Variants in TANC2 observed in about 807,000 individuals in gnomAD.
TANC2 encodes protein TANC2.
Under a neutral mutation model 210.5 loss-of-function variants are expected in TANC2, and 26 were observed. The ratio of observed to expected loss-of-function variants is 0.12; its 90% CI spans 0.09 to 0.17. The LOEUF (loss-of-function observed/expected upper bound fraction) is 0.17. Among genes scored for constraint, TANC2 ranks in the 10% least tolerant of loss-of-function variants. TANC2 has a pLI of 1.00. For missense variants in TANC2, 2,129 were observed against 2,608.9 expected (o/e 0.82, Z 4.01); for synonymous variants, 931 against 967.1 (o/e 0.96, Z 0.69).
chr17:62,974,938 G>C (rs1189866702), intron 1 of TANC2, among the ~76,000 whole-genome samples: 1 of 152,140 alleles, frequency 6.6e-6, no homozygotes, highest in East Asian at 1.9e-4. Context: ...CTTTGGACCA[G>C]GTAGCCATTC....
chr17:63,244,185 T>C (rs1480148243), intron 8 of TANC2, among the ~76,000 whole-genome samples: 1 of 152,230 alleles, frequency 6.6e-6, no homozygotes, highest in African/African-American at 2.4e-5. Context: ...CGGGTCATTT[T>C]TGGTCCTCCA....
intron 5 of TANC2, among the ~76,000 whole-genome samples, chr17:63,171,683 G>A (rs917654059): frequency 1.3e-5 from 2 of 152,140 alleles, no homozygotes; most frequent in African/African-American, 4.8e-5. Context: ...TCTGATGAAT[G>A]TTATCTGATG....
At chr17:63,269,811 C>G (rs2043642843) in intron 9 of TANC2, among the ~76,000 whole-genome samples, 1 of 152,066 alleles carries the variant, frequency 6.6e-6, no homozygotes, top group Admixed American at 6.6e-5. Flanking sequence ...GATCTTCAGC[C>G]GAAGCATTCA....
At chr17:63,300,185 G>A (rs2044667195) in intron 9 of TANC2, among the ~76,000 whole-genome samples, 2 of 152,178 alleles carry the variant, frequency 1.3e-5, no homozygotes, top group Non-Finnish European at 2.9e-5. Context: ...GGTTACTACA[G>A]CCTTGTAGTA....
intron 2 of TANC2, among the ~76,000 whole-genome samples, chr17:63,057,451 T>C (rs1244251135): frequency 6.6e-6 from 1 of 152,210 alleles, no homozygotes; most frequent in Non-Finnish European, 1.5e-5. Flanking sequence ...ATTTTAGGTC[T>C]AGGTTTACAC....
chr17:63,183,060 A>G (rs1217063543), intron 5 of TANC2, among the ~76,000 whole-genome samples: 1 of 121,010 alleles, frequency 8.3e-6, no homozygotes, highest in African/African-American at 4.0e-5. Flanking sequence ...TGATGAGGCC[A>G]CATAATAGGA....
chr17:63,263,468 AT>A (rs1452420863), intron 8 of TANC2, among the ~76,000 whole-genome samples: 1 of 152,324 alleles, frequency 6.6e-6, no homozygotes, highest in East Asian at 1.9e-4. Flanking sequence ...AATTATAAAA[AT>A]GTCTTTTGAA....
chr17:63,415,113 A>T (rs1189118736), intron 25 of TANC2, among the ~76,000 whole-genome samples: 4 of 152,250 alleles, frequency 2.6e-5, no homozygotes, highest in African/African-American at 9.6e-5. Flanking sequence ...AGACCAAAAA[A>T]ACAGTTCTCC....
chr17:63,369,300 T>C (rs1481702984), intron 14 of TANC2, among the ~76,000 whole-genome samples: 1 of 152,200 alleles, frequency 6.6e-6, no homozygotes, highest in Non-Finnish European at 1.5e-5. Context: ...CACCTTTCGC[T>C]CTTTATGGTG....
At chr17:63,365,756 T>C (rs1391166372) in intron 14 of TANC2, among the ~76,000 whole-genome samples, 1 of 152,030 alleles carries the variant, frequency 6.6e-6, no homozygotes, top group African/African-American at 2.4e-5. Flanking sequence ...AGGCATCTCA[T>C]CACATAGAAA....
At chr17:63,395,968 A>G (rs1310997786) in intron 18 of TANC2, 40 bp downstream of exon 18, 2 of 1,530,854 alleles carry the variant, frequency 1.3e-6, no homozygotes, top group Admixed American at 2.1e-5. Context: ...CAAGCTCTGT[A>G]TTGAAGGACC....
At chr17:63,200,678 G>GTT in intron 6 of TANC2, 93 bp from the exon 7 acceptor site, 133 of 1,045,190 alleles carry the variant, frequency 1.3e-4, no homozygotes, top group South Asian at 2.4e-4. Context: ...TATGCATGTA[G>GTT]TTTTTTTTTT....
At chr17:63,237,972 A>T in exon 8 of TANC2, 1 of 1,585,698 alleles carries the variant, frequency 6.3e-7, no homozygotes, top group Non-Finnish European at 8.6e-7. Flanking sequence ...GACTGCTTCC[A>T]CCTATAGTCT....
At chr17:63,238,697 A>C (rs1413731847) in intron 8 of TANC2, among the ~76,000 whole-genome samples, 1 of 152,194 alleles carries the variant, frequency 6.6e-6, no homozygotes, top group African/African-American at 2.4e-5. Flanking sequence ...TGCTATAAAG[A>C]TACTACCTGA....
At chr17:63,275,287 G>A (rs924489817) in intron 9 of TANC2, among the ~76,000 whole-genome samples, 8 of 152,150 alleles carry the variant, frequency 5.3e-5, no homozygotes, top group Non-Finnish European at 1.2e-4. Context: ...AAGCCATTCA[G>A]AGGCTTTGTG....
chr17:63,402,750 C>T (rs1465614464), intron 19 of TANC2, among the ~76,000 whole-genome samples: 1 of 152,220 alleles, frequency 6.6e-6, no homozygotes, highest in Admixed American at 6.5e-5. Flanking sequence ...TGTTACTGCT[C>T]TTTTAGGAAG....
intron 14 of TANC2, 118 bp downstream of exon 14, chr17:63,355,508 C>A: frequency 8.7e-7 from 1 of 1,145,426 alleles, no homozygotes; most frequent in Non-Finnish European, 1.2e-6. Flanking sequence ...GAGACATCAT[C>A]TGTGTTTCTT....
chr17:63,272,762 AT>A (rs1352333850), intron 9 of TANC2, among the ~76,000 whole-genome samples: 19 of 152,134 alleles, frequency 1.2e-4, no homozygotes, highest in African/African-American at 4.3e-4. Flanking sequence ...ATGGTAGTTA[AT>A]GCTTATATAC....
chr17:63,319,086 C>T (rs750275507), exon 11 of TANC2: 18 of 1,611,298 alleles, frequency 1.1e-5, no homozygotes, highest in Admixed American at 1.0e-4. Flanking sequence ...AGACTAGCCT[C>T]GCAGGTACAA....
Sources: allele counts gnomAD v4.1 joint callset (sites outside exome capture counted in the v4.1 genomes callset), GRCh38; gene constraint gnomAD v4.1.1; transcripts MANE v1.5; gene names NCBI Gene and HGNC (gene_info 2026-07-23, HGNC 2026-07-21).